The following SHISA6 variants were observed in gnomAD, a reference collection of about 807,000 sequenced individuals.
SHISA6 encodes shisa family member 6.
Under a neutral mutation model 47.9 loss-of-function variants are expected in SHISA6, and 22 were observed. The observed-to-expected ratio is 0.46, with a 90% CI of 0.33 to 0.66. SHISA6 has a LOEUF of 0.66. SHISA6 is among the 30% of genes least tolerant of loss of function. The pLI is 0.02. For missense variants in SHISA6, 680 were observed against 764.6 expected (o/e 0.89, Z 1.30); for synonymous variants, 388 against 337.8 (o/e 1.15, Z -1.63).
intron 3 of SHISA6, among the ~76,000 whole-genome samples, chr17:11,415,871 A>G (rs1245681907): frequency 6.6e-6 from 1 of 152,182 alleles, no homozygotes; most frequent in African/African-American, 2.4e-5. Flanking sequence ...AAAATACCGT[A>G]GACTTGATGG....
At chr17:11,376,325 GTTT>G (rs11298546) in intron 2 of SHISA6, among the ~76,000 whole-genome samples, 3 of 130,920 alleles carry the variant, frequency 2.3e-5, no homozygotes, top group Non-Finnish European at 3.3e-5. Flanking sequence ...TTTTTTGTTT[GTTT>G]TTTTTTTTTT....
chr17:11,419,364 A>G (rs144604065), intron 3 of SHISA6, among the ~76,000 whole-genome samples: 157 of 152,258 alleles, frequency 1.0e-3, no homozygotes, highest in African/African-American at 3.5e-3. Context: ...TGTGTGATTA[A>G]GTCACTAGGT....
chr17:11,248,514 G>A (rs564378246), intron 1 of SHISA6, among the ~76,000 whole-genome samples: 5 of 152,200 alleles, frequency 3.3e-5, no homozygotes, highest in South Asian at 2.1e-4. Context: ...CTCTTTGCAC[G>A]TTCCTTGGTT....
chr17:11,458,257 C>T (rs1007898748), intron 3 of SHISA6, among the ~76,000 whole-genome samples: 1 of 152,118 alleles, frequency 6.6e-6, no homozygotes, highest in African/African-American at 2.4e-5. Context: ...AGGTGGTGAA[C>T]ATGTCTGCCT....
At chr17:11,543,827 T>C (rs560827179) in intron 3 of SHISA6, among the ~76,000 whole-genome samples, 3 of 151,566 alleles carry the variant, frequency 2.0e-5, no homozygotes, top group African/African-American at 4.8e-5. Flanking sequence ...CAACTGATTT[T>C]TTGAAAAAGG....
intron 3 of SHISA6, among the ~76,000 whole-genome samples, chr17:11,447,492 C>A (rs1915268257): frequency 6.6e-6 from 1 of 152,166 alleles, no homozygotes; most frequent in Admixed American, 6.5e-5. Flanking sequence ...AGCCACCTTC[C>A]TTGAGTTAAC....
At chr17:11,295,756 G>A (rs542304153) in intron 2 of SHISA6, among the ~76,000 whole-genome samples, 29 of 152,146 alleles carry the variant, frequency 1.9e-4, no homozygotes, top group African/African-American at 6.5e-4. Flanking sequence ...GAGGTCAGGA[G>A]ATTAAGACCA....
intron 3 of SHISA6, among the ~76,000 whole-genome samples, chr17:11,433,210 T>G (rs1914839887): frequency 6.6e-6 from 1 of 150,732 alleles, no homozygotes; most frequent in African/African-American, 2.5e-5. Flanking sequence ...CAAATGGTTC[T>G]TCTAATGCTA....
At chr17:11,547,193 T>C (rs577044112) in intron 3 of SHISA6, among the ~76,000 whole-genome samples, 1 of 152,306 alleles carries the variant, frequency 6.6e-6, no homozygotes, top group East Asian at 1.9e-4. Flanking sequence ...GAATAATGGA[T>C]TTCATAGATA....
chr17:11,557,074 T>G (rs916905872), intron 5 of SHISA6, among the ~76,000 whole-genome samples: 1 of 152,038 alleles, frequency 6.6e-6, no homozygotes. Context: ...TGGGCACAGG[T>G]GGAGTGTGTG....
At chr17:11,446,844 A>G (rs1376403876) in intron 3 of SHISA6, among the ~76,000 whole-genome samples, 2 of 152,230 alleles carry the variant, frequency 1.3e-5, no homozygotes, top group Admixed American at 1.3e-4. Flanking sequence ...GTCTGGAAAC[A>G]GGAGTGATAT....
chr17:11,519,594 G>A (rs746212463), intron 3 of SHISA6, among the ~76,000 whole-genome samples: 10 of 152,094 alleles, frequency 6.6e-5, no homozygotes, highest in African/African-American at 1.4e-4. Context: ...AACTACGAAC[G>A]TACTTAACGC....
chr17:11,475,294 A>G (rs934390231), intron 3 of SHISA6, among the ~76,000 whole-genome samples: 1 of 151,894 alleles, frequency 6.6e-6, no homozygotes, highest in Non-Finnish European at 1.5e-5. Flanking sequence ...GTCTTATTCC[A>G]TTAATTGTAT....
At chr17:11,249,903 A>G (rs1445073595) in intron 1 of SHISA6, among the ~76,000 whole-genome samples, 1 of 152,212 alleles carries the variant, frequency 6.6e-6, no homozygotes, top group Non-Finnish European at 1.5e-5. Context: ...CATTTCAGAA[A>G]GGAGTGAATG....
At chr17:11,395,866 A>G (rs765336091) in intron 3 of SHISA6, among the ~76,000 whole-genome samples, 3 of 152,156 alleles carry the variant, frequency 2.0e-5, no homozygotes, top group Non-Finnish European at 4.4e-5. Flanking sequence ...ATTGCATTGG[A>G]TTAATGCCAC....
At chr17:11,337,549 G>A (rs1911369521) in intron 2 of SHISA6, among the ~76,000 whole-genome samples, 1 of 152,222 alleles carries the variant, frequency 6.6e-6, no homozygotes, top group East Asian at 1.9e-4. Flanking sequence ...GCTACAAAGA[G>A]GCAGAGTTCT....
chr17:11,365,192 C>T (rs1239900285), intron 2 of SHISA6, among the ~76,000 whole-genome samples: 2 of 152,090 alleles, frequency 1.3e-5, no homozygotes, highest in Non-Finnish European at 2.9e-5. Flanking sequence ...ATTATTATTA[C>T]TACTGCAATT....
At chr17:11,277,276 TCTCTCA>T (rs1204361141) in intron 2 of SHISA6, among the ~76,000 whole-genome samples, 13 of 62,642 alleles carry the variant, frequency 2.1e-4, no homozygotes, top group South Asian at 7.9e-4. Context: ...TCTCTCTCTC[TCTCTCA>T]CACACACACA....
chr17:11,306,308 C>A (rs940283234), intron 2 of SHISA6, among the ~76,000 whole-genome samples: 1 of 152,132 alleles, frequency 6.6e-6, no homozygotes, highest in African/African-American at 2.4e-5. Flanking sequence ...CCCAAGACCT[C>A]CCCATACAGG....
Sources: allele counts gnomAD v4.1 joint callset (sites outside exome capture counted in the v4.1 genomes callset), GRCh38; gene constraint gnomAD v4.1.1; transcripts MANE v1.5; gene names NCBI Gene and HGNC (gene_info 2026-07-23, HGNC 2026-07-21).